CPLANE1: variants seen among roughly 807,000 people sequenced by gnomAD.
CPLANE1 encodes the protein ciliogenesis and planar polarity effector 1.
CPLANE1 carries 263 observed loss-of-function variants against 362.5 expected under a neutral mutation model. That is an observed-to-expected ratio of 0.73 (90% confidence interval 0.66 to 0.80). The LOEUF (loss-of-function observed/expected upper bound fraction) is 0.80. Among genes scored for constraint, CPLANE1 ranks in the 30% least tolerant of loss-of-function variants. The pLI is 0.00. For synonymous variants in CPLANE1, 1,212 were observed against 1,302.6 expected, an observed-to-expected ratio of 0.93 and a Z score of 1.50; for missense variants, 3,461 against 3,793.4, an observed-to-expected ratio of 0.91 and a Z score of 2.30.
At chr5:37,157,203 C>G in intron 41 of CPLANE1, 110 bp downstream of exon 41, 1 of 448,924 alleles carries the variant, frequency 2.2e-6, no homozygotes, top group Non-Finnish European at 4.1e-6. Flanking sequence ...TGCTCCTTAG[C>G]AAGGGACAAC....
chr5:37,166,683 T>A (rs756987453), intron 35 of CPLANE1, among the ~76,000 whole-genome samples: 28 of 152,280 alleles, frequency 1.8e-4, no homozygotes, highest in Admixed American at 4.6e-4. Flanking sequence ...GTTTCAGGTA[T>A]CCACTGAAGG....
chr5:37,180,139 T>A lies in CPLANE1; in HGVS notation c.5615A>T (p.Asn1872Ile). 6.5e-7 allele frequency: 1 copy of A among 1,541,984 alleles called. No individual in the cohort carries two copies. Among genetic ancestry groups the A allele is most frequent in the East Asian group, 2.3e-5 (1 of 42,950 alleles). ...ATGAGTGATGGAAATAATATCATCA[T>A]TGATTTCTTTTATATCAGGATTTTT... Reference protein sequence around the residue: ...EAKNPDIKEINDDIISITHNT... With the variant: ...EAKNPDIKEIIDDIISITHNT... Residue 1872 changes from asparagine (N) to isoleucine (I), a missense_variant, in exon 28 of 53, where the codon AAT becomes ATT. This residue lies in a region of CPLANE1 where 3,380 missense variants were observed against 3,666.1 expected (regional missense o/e 0.92). Transcript: ENST00000651892.
At position 37,108,842 on chromosome 5, in the gene CPLANE1, A is replaced by G. The variant is rs1288702541; in HGVS notation, c.9401-371T>C. On this transcript the variant is annotated intron_variant, in intron 51 of 52. Coordinates refer to ENST00000651892, the MANE Select transcript of CPLANE1 (RefSeq NM_001384732.1). ...GAAAGTCTTGTGAAAACTTCTTAGA[A>G]GCAATGTTTTGGGCATCTTCACCCA... is the stretch of plus-strand genomic sequence containing the variant. 2.6e-5 allele frequency among the ~76,000 whole-genome samples: 4 copies of G among 152,238 alleles called. No homozygotes were observed. The East Asian group carries it at 5.8e-4, about 22-fold the overall frequency.
intron 47 of CPLANE1, 51 bp downstream of exon 47, chr5:37,125,193 A>T: frequency 2.6e-6 from 4 of 1,523,458 alleles, no homozygotes; most frequent in Non-Finnish European, 3.5e-6. Flanking sequence ...TTGCCAGGAA[A>T]GTAATTACAC....
intron 42 of CPLANE1, among the ~76,000 whole-genome samples, chr5:37,150,762 G>A (rs1339019497): frequency 6.6e-6 from 1 of 152,154 alleles, no homozygotes; most frequent in Non-Finnish European, 1.5e-5. Flanking sequence ...CAGTGGACCT[G>A]GTATAGAGCT....
the CPLANE1 span, among the ~76,000 whole-genome samples, chr5:37,098,118 G>A: frequency 6.6e-6 from 1 of 151,822 alleles, no homozygotes; most frequent in Non-Finnish European, 1.5e-5. Context: ...AGCAGGCCAG[G>A]CATGGTGGCT....
chr5:37,245,608 A>G lies in CPLANE1; in HGVS notation c.218-10T>C, dbSNP rs1471709151. The G allele has an allele frequency of 2.0e-6, 3 of 1,506,546 alleles. No individual in the cohort carries two copies. Among genetic ancestry groups the G allele is most frequent in the Non-Finnish European group, 2.7e-6 (3 of 1,128,016 alleles). The allele number at this position is 1,506,546 out of a possible 1,614,324, so 93.3% of individuals were successfully genotyped here. Reference sequence around the variant, plus strand: ...CCAGCCAGCCAGGCATCTGTTTCCAAAAATGAAATGCAATACTTACAATCT... The same window carrying G: ...CCAGCCAGCCAGGCATCTGTTTCCAGAAATGAAATGCAATACTTACAATCT... On this transcript the variant is annotated splice_polypyrimidine_tract_variant and intron_variant, in intron 3 of 52. Coordinates refer to ENST00000651892, the MANE Select transcript of CPLANE1 (RefSeq NM_001384732.1).
chr5:37,145,835 G>C (rs80128288), intron 43 of CPLANE1, among the ~76,000 whole-genome samples: 3,245 of 152,178 alleles, frequency 0.021, 127 homozygotes, highest in African/African-American at 0.075. Flanking sequence ...TAAATGAACA[G>C]TGATTATGCT....
intron 15 of CPLANE1, among the ~76,000 whole-genome samples, chr5:37,215,941 C>A (rs1002975551): frequency 6.6e-6 from 1 of 151,902 alleles, no homozygotes; most frequent in East Asian, 1.9e-4. Flanking sequence ...AGGCCATCTT[C>A]CCGCCTCAGT....
rs73095756 is a variant in CPLANE1, at chr5:37,221,705, A to G, written c.2582-217T>C. On this transcript the variant is annotated intron_variant, in intron 14 of 52. Coordinates refer to ENST00000651892, the MANE Select transcript of CPLANE1 (RefSeq NM_001384732.1). ...CCCCAAATAAAATTGGAATTATTTT[A>G]CTCAGAAAGAATGGATAAGAGGTAG... Among the ~76,000 whole-genome samples the G allele has an allele frequency of 7.1e-3, 1,080 of 152,288 alleles. 15 individuals carry two copies. The highest frequency in any genetic ancestry group is 0.024 in the African/African-American group (1,016 of 41,560).
rs116019996 is a variant in CPLANE1 at position 37,231,213 on chromosome 5, T to C, written c.939-164A>G. 0.01 allele frequency among the ~76,000 whole-genome samples: 1,575 copies of C among 152,348 alleles called. 12 individuals are homozygous for C. Among genetic ancestry groups the C allele is most frequent in the Non-Finnish European group, 0.016 (1,067 of 68,036 alleles). On this transcript the variant is annotated intron_variant, in intron 8 of 52. Transcript: ENST00000651892. Reference sequence around the variant, plus strand: ...TACACATTTCATGAATTTTACTTCCTAGAACAAAGGAGTTTGCTCATAAAC... The same window carrying C: ...TACACATTTCATGAATTTTACTTCCCAGAACAAAGGAGTTTGCTCATAAAC...
chr5:37,248,182 C>T (rs1740446477), intron 1 of CPLANE1, among the ~76,000 whole-genome samples: 1 of 151,874 alleles, frequency 6.6e-6, no homozygotes, highest in South Asian at 2.1e-4. Flanking sequence ...GGCTGCAGTG[C>T]AGTGGCGCGA....
chr5:37,224,669 GGAA>G lies in CPLANE1; in HGVS notation c.2360_2362del (p.Val787_Pro788delinsAla). The G allele has an allele frequency of 6.4e-7, 1 of 1,551,496 alleles. No individual in the cohort carries two copies. ...TTCAGTTAACTGACTATCAGCTTCA[GGAA>G]CTCTTCGATTTAATTGTGCTTGATA... On this transcript the variant is annotated inframe_deletion, in exon 13 of 53. Coordinates refer to ENST00000651892, the MANE Select transcript of CPLANE1 (RefSeq NM_001384732.1).
At chr5:37,244,691 TA>T (rs527629093) in intron 4 of CPLANE1, 84 bp from the exon 5 acceptor site, 2,215 of 673,296 alleles carry the variant, frequency 3.3e-3, no homozygotes, top group Middle Eastern at 5.0e-3. Flanking sequence ...ATTCTTACAA[TA>T]AAAAAAAAAC....
chr5:37,169,938 G>A, intron 33 of CPLANE1, 103 bp downstream of exon 33: 1 of 1,120,134 alleles, frequency 8.9e-7, no homozygotes, highest in Non-Finnish European at 1.3e-6. Context: ...TGTTGGCCAG[G>A]CTGGTCTCGA....
chr5:37,145,031 C>T (rs1771101494), intron 43 of CPLANE1, among the ~76,000 whole-genome samples: 1 of 151,942 alleles, frequency 6.6e-6, no homozygotes, highest in Non-Finnish European at 1.5e-5. Flanking sequence ...AGAGGCCGGG[C>T]GTGGTGGCTC....
At position 37,227,265 on chromosome 5, in the gene CPLANE1, TTTA is replaced by T. The variant is rs763946580; in HGVS notation, c.1496_1498del (p.Ile499del). 6.4e-7 allele frequency: 1 copy of T among 1,551,572 alleles called. No individual in the cohort carries two copies. The highest frequency in any genetic ancestry group is 8.7e-7 in the Non-Finnish European group (1 of 1,146,936). On this transcript the variant is annotated inframe_deletion, in exon 11 of 53. Coordinates refer to ENST00000651892, the MANE Select transcript of CPLANE1 (RefSeq NM_001384732.1). ...TACCTGAAAATCTGCTGCATTTTCA[TTTA>T]TTGTTTCTTCTGCCTGCAAGAATTT...
chr5:37,125,217 C>T, intron 47 of CPLANE1, 27 bp downstream of exon 47: 2 of 1,588,882 alleles, frequency 1.3e-6, no homozygotes, highest in Non-Finnish European at 1.7e-6. Context: ...TTCTGTAATT[C>T]CATTACCCTT....
the CPLANE1 span, among the ~76,000 whole-genome samples, chr5:37,077,216 A>T: frequency 1.3e-5 from 2 of 152,134 alleles, no homozygotes; most frequent in Non-Finnish European, 1.5e-5. Context: ...CAGCCAGTCT[A>T]CATATGGAAT....
Sources: allele counts gnomAD v4.1 joint callset (sites outside exome capture counted in the v4.1 genomes callset), GRCh38; gene constraint gnomAD v4.1.1; regional missense constraint gnomAD v4.1.1; transcripts MANE v1.5; gene names NCBI Gene and HGNC (gene_info 2026-07-23, HGNC 2026-07-21).